SMCHD1: variants seen among roughly 807,000 people sequenced by gnomAD.
SMCHD1 encodes the protein structural maintenance of chromosomes flexible hinge domain containing 1.
In SMCHD1, 78 loss-of-function variants were observed where a neutral mutation model predicts 254.7. That is an observed-to-expected ratio of 0.31 (90% CI 0.26 to 0.37). The LOEUF (loss-of-function observed/expected upper bound fraction) is 0.37. SMCHD1 is among the 10% of genes least tolerant of loss of function. The probability of loss-of-function intolerance (pLI) is 1.00; values close to 1 mark genes in which losing one functional copy is unlikely to be tolerated. For missense variants in SMCHD1, 1,840 were observed against 2,408.1 expected, an observed-to-expected ratio of 0.76 and a Z score of 4.94; for synonymous variants, 766 against 794.9, an observed-to-expected ratio of 0.96 and a Z score of 0.61.
Position 2,700,121 on chromosome 18 carries a change from G to A in SMCHD1, c.1343-418G>A, listed in dbSNP as rs145647840. On this transcript the variant is annotated intron_variant, in intron 10 of 47. Transcript: ENST00000320876. Reference sequence around the variant, plus strand: ...TAATTTGTTCAAACTAGGTAAACTCGCTGCTATTAGATGTCATAGATTTCT... The same window carrying A: ...TAATTTGTTCAAACTAGGTAAACTCACTGCTATTAGATGTCATAGATTTCT... 1.3e-3 allele frequency among the ~76,000 whole-genome samples: 193 copies of A among 152,234 alleles called. 2 individuals are homozygous for A. The highest frequency in any genetic ancestry group is 4.5e-3 in the African/African-American group (188 of 41,526).
intron 1 of SMCHD1, among the ~76,000 whole-genome samples, chr18:2,665,717 A>G (rs976392378): frequency 2.0e-5 from 3 of 152,240 alleles, no homozygotes; most frequent in Non-Finnish European, 4.4e-5. Flanking sequence ...CCTCCGTGCT[A>G]TAAAATGCTA....
In SMCHD1 at chr18:2,656,267, C is replaced by G. The variant is rs773843369; in HGVS notation, c.186+6C>G. Reference sequence around the variant, plus strand: ...TTCGCGCGTGTGTGTGTCAGGTACGCGAAGGGGCGAGGAAGGGATGCGCGT... The same window carrying G: ...TTCGCGCGTGTGTGTGTCAGGTACGGGAAGGGGCGAGGAAGGGATGCGCGT... On this transcript the variant is annotated splice_donor_region_variant and intron_variant, in intron 1 of 47. Coordinates refer to ENST00000320876, the MANE Select transcript of SMCHD1 (RefSeq NM_015295.3). The G allele has an allele frequency of 6.1e-6, 9 of 1,482,696 alleles. No individual in the cohort carries two copies. Among genetic ancestry groups the G allele is most frequent in the Middle Eastern group, 3.6e-4 (2 of 5,598 alleles). 91.8% of individuals were successfully genotyped at this position (1,482,696 alleles called of 1,614,324 possible). A position where few individuals can be genotyped will look rare whatever the true frequency, so the allele number is the denominator to read the frequency against.
At chr18:2,696,236 G>C (rs2074282585) in intron 8 of SMCHD1, among the ~76,000 whole-genome samples, 1 of 152,102 alleles carries the variant, frequency 6.6e-6, no homozygotes, top group African/African-American at 2.4e-5. Context: ...TATAGGAGAG[G>C]AGAGATGAAT....
At position 2,752,385 on chromosome 18, in the gene SMCHD1, G is replaced by C. The variant is rs190731828; in HGVS notation, c.4282-103G>C. ...CCTGTATGTTTATAAATGGAATCCA[G>C]ATACACATTCAGTTTAGGTATATAA... On this transcript the variant is annotated intron_variant, in intron 33 of 47. Coordinates refer to ENST00000320876, the MANE Select transcript of SMCHD1 (RefSeq NM_015295.3). 3.6e-5 allele frequency: 26 copies of C among 728,414 alleles called. No homozygotes were observed. The Admixed American group carries it at 5.8e-4, about 16-fold the overall frequency. The allele number at this position is 728,414 out of a possible 1,614,324, so 45.1% of individuals were successfully genotyped here.
chr18:2,764,211 AATC>A (rs1568337509), intron 37 of SMCHD1: 1 of 162,320 alleles, frequency 6.2e-6, no homozygotes, highest in Non-Finnish European at 1.3e-5. Flanking sequence ...CTCCATAAAT[AATC>A]AAGATATTGT....
intron 17 of SMCHD1, among the ~76,000 whole-genome samples, chr18:2,714,981 G>A (rs12608389): frequency 0.29 from 44,744 of 151,994 alleles, 6,816 homozygotes; most frequent in East Asian, 0.5. Flanking sequence ...TAGTCTAATG[G>A]ATTTTCCTTT....
chr18:2,673,924 C>A, intron 4 of SMCHD1, 91 bp from the exon 5 acceptor site: 1 of 1,272,156 alleles, frequency 7.9e-7, no homozygotes, highest in Non-Finnish European at 1.1e-6. Context: ...TATAAGTGAG[C>A]CTGTTGAATC....
At chr18:2,760,623 C>T (rs2075768311) in intron 34 of SMCHD1, 29 bp from the exon 35 acceptor site, 2 of 1,207,714 alleles carry the variant, frequency 1.7e-6, no homozygotes, top group South Asian at 1.2e-5. Flanking sequence ...CAAACATTGT[C>T]AGTAATCTTA....
At chr18:2,796,342 T>A (rs1325476279) in intron 46 of SMCHD1, 65 bp from the exon 47 acceptor site, 1 of 1,056,476 alleles carries the variant, frequency 9.5e-7, no homozygotes, top group African/African-American at 1.6e-5. Context: ...ATATTCATGT[T>A]TGCATTTCTC....
rs779158688 is a variant in SMCHD1 at position 2,728,459 on chromosome 18, C to A, written c.2776C>A (p.His926Asn). 6.2e-7 allele frequency: 1 copy of A among 1,612,060 alleles called. No individual in the cohort carries two copies. Among genetic ancestry groups the A allele is most frequent in the South Asian group, 1.1e-5 (1 of 90,810 alleles). Reference sequence around the variant, plus strand: ...TTCATTGTATAATTTACTGTTAGGTCACCCTCGTCGACTGAAAGTGAAACC... The same window carrying A: ...TTCATTGTATAATTTACTGTTAGGTAACCCTCGTCGACTGAAAGTGAAACC... ...QILKIRLLPGHPRRLKVKPDS... is the reference protein window; with the variant it reads ...QILKIRLLPGNPRRLKVKPDS... Residue 926 changes from histidine (H) to asparagine (N), a missense_variant and splice_region_variant, in exon 23 of 48, where the codon CAC becomes AAC. Physicochemically the swap from His to Asn is moderately conservative, Grantham distance 68. Coordinates refer to ENST00000320876, the MANE Select transcript of SMCHD1 (RefSeq NM_015295.3).
intron 25 of SMCHD1, among the ~76,000 whole-genome samples, chr18:2,735,689 A>G (rs544604414): frequency 1.3e-5 from 2 of 152,304 alleles, no homozygotes; most frequent in East Asian, 3.9e-4. Flanking sequence ...CAAAAAACAC[A>G]AAATGCCTAG....
intron 17 of SMCHD1, among the ~76,000 whole-genome samples, chr18:2,708,954 T>C (rs1168689728): frequency 7.4e-6 from 1 of 134,590 alleles, no homozygotes; most frequent in Non-Finnish European, 1.5e-5. Context: ...TACATTCATA[T>C]TGTTGTGCAA....
At chr18:2,672,770 C>T (rs1181897607) in intron 3 of SMCHD1, among the ~76,000 whole-genome samples, 1 of 152,108 alleles carries the variant, frequency 6.6e-6, no homozygotes, top group Non-Finnish European at 1.5e-5. Context: ...ATGTATTCTG[C>T]CACTTGAAAA....
At chr18:2,784,715 T>G (rs975685904) in intron 45 of SMCHD1, 94 bp downstream of exon 45, 1 of 1,313,444 alleles carries the variant, frequency 7.6e-7, no homozygotes, top group Admixed American at 2.6e-5. Flanking sequence ...CATGAAAAAT[T>G]AACAAATGTA....
chr18:2,777,950 G>A, intron 43 of SMCHD1, 35 bp downstream of exon 43: 1 of 1,291,956 alleles, frequency 7.7e-7, no homozygotes, highest in Admixed American at 2.6e-5. Flanking sequence ...CTTTTGTACA[G>A]ATGTTAAATT....
chr18:2,709,623 A>G (rs7233899), intron 17 of SMCHD1, among the ~76,000 whole-genome samples: 23,402 of 151,784 alleles, frequency 0.15, 2,934 homozygotes, highest in East Asian at 0.42. Flanking sequence ...CCTTTTTCCT[A>G]CTAAAGATAA....
chr18:2,739,625 C>T, intron 27 of SMCHD1, 105 bp downstream of exon 27: 2 of 779,656 alleles, frequency 2.6e-6, no homozygotes, highest in Non-Finnish European at 2.1e-6. Flanking sequence ...CTTTTGGGTT[C>T]ATATAATGTT....
In SMCHD1 at chr18:2,775,790, T is replaced by C; in HGVS notation, c.5232T>C (p.His1744=). The stretch of plus-strand genomic sequence containing the variant: ...GAGCTGCGATGGTTATTTCTTGGCA[T>C]CTGGCAAGTGACATGGACTGTGTAG... ...DDRAAMVISW[H]LASDMDCVVT... is the part of the protein sequence containing the mutation. The change falls in exon 42 of 48, where the codon CAT becomes CAC. Residue 1744 remains histidine, a synonymous_variant. Coordinates refer to ENST00000320876, the MANE Select transcript of SMCHD1 (RefSeq NM_015295.3). The C allele has an allele frequency of 1.2e-6, 2 of 1,613,596 alleles. No homozygotes were observed. The highest frequency in any genetic ancestry group is 1.7e-6 in the Non-Finnish European group (2 of 1,179,712).
intron 47 of SMCHD1, among the ~76,000 whole-genome samples, chr18:2,799,466 T>G (rs1241353311): frequency 6.6e-6 from 1 of 152,226 alleles, no homozygotes; most frequent in African/African-American, 2.4e-5. Flanking sequence ...AACCTTTGTT[T>G]TAACTGTTAA....
Sources: gnomAD v4.1 joint callset for allele counts (sites outside exome capture counted in the v4.1 genomes callset) on GRCh38, gnomAD v4.1.1 for gene constraint, MANE v1.5 for transcripts, NCBI Gene and HGNC (gene_info 2026-07-23, HGNC 2026-07-21) for gene names.